SLC1A6: variants seen among roughly 807,000 people sequenced by gnomAD.
SLC1A6 encodes the protein solute carrier family 1 member 6, also known as excitatory amino acid transporter 4.
In SLC1A6, 15 loss-of-function variants were observed where a neutral mutation model predicts 42.1. That is an observed-to-expected ratio of 0.36 (90% confidence interval 0.24 to 0.55). The LOEUF is 0.55. SLC1A6 is among the 20% of genes least tolerant of loss of function. The pLI, the probability that SLC1A6 is intolerant of heterozygous loss-of-function variation, is 0.88. For missense variants in SLC1A6, 542 were observed against 772.5 expected (o/e 0.70, Z 3.54); for synonymous variants, 317 against 319.7 (o/e 0.99, Z 0.09).
At chr19:14,992,108 G>A (rs1019971120) in intron 1 of SLC1A6, among the ~76,000 whole-genome samples, 1 of 152,226 alleles carries the variant, frequency 6.6e-6, no homozygotes, top group African/African-American at 2.4e-5. Context: ...TTACAGGCGT[G>A]AGCCAACGCG....
intron 1 of SLC1A6, among the ~76,000 whole-genome samples, chr19:14,985,193 A>T (rs1446102156): frequency 6.6e-6 from 1 of 152,176 alleles, no homozygotes; most frequent in Admixed American, 6.5e-5. Context: ...ATTGACAATA[A>T]TGACTGTGAA....
Position 14,962,338 on chromosome 19 carries a change from G to A in SLC1A6, c.599C>T (p.Thr200Met), listed in dbSNP as rs1430616951. The A allele has an allele frequency of 4.3e-6, 7 of 1,610,794 alleles. No homozygotes were observed. Among genetic ancestry groups the A allele is most frequent in the Non-Finnish European group, 5.1e-6 (6 of 1,177,444 alleles). ...LVEACFKQFK[T>M]QYSTRVVTRT... Reference sequence around the variant, plus strand: ...GGTTACCACCCTCGTGCTGTACTGCGTCTTGAACTGAAATAGAGAGAGATT... The same window carrying A: ...GGTTACCACCCTCGTGCTGTACTGCATCTTGAACTGAAATAGAGAGAGATT... The change falls in exon 6 of 10, where the codon ACG becomes ATG. Residue 200 changes from threonine to methionine, a missense_variant. Transcript: ENST00000594383.
chr19:14,952,887 C>T, intron 9 of SLC1A6, 41 bp downstream of exon 9: 2 of 1,600,428 alleles, frequency 1.2e-6, no homozygotes, highest in African/African-American at 1.3e-5. Context: ...GCAGTGTGTG[C>T]AGAAGCAGGA....
chr19:14,987,125 G>T (rs1053846342), intron 1 of SLC1A6, among the ~76,000 whole-genome samples: 2 of 152,070 alleles, frequency 1.3e-5, no homozygotes, highest in African/African-American at 2.4e-5. Flanking sequence ...GGATTTGCAG[G>T]CTACACTTTG....
intron 3 of SLC1A6, among the ~76,000 whole-genome samples, chr19:14,970,404 A>AC (rs2045624311): frequency 6.6e-6 from 1 of 152,092 alleles, no homozygotes; most frequent in Non-Finnish European, 1.5e-5. Context: ...TCTCTAGCTT[A>AC]CTGTACTTTA....
intron 1 of SLC1A6, among the ~76,000 whole-genome samples, chr19:15,002,987 A>G (rs55954888): frequency 5.3e-4 from 45 of 85,056 alleles, no homozygotes; most frequent in African/African-American, 1.5e-3. Flanking sequence ...TGTTGTTGTT[A>G]TTTTGTTTTT....
At chr19:15,005,528 A>T (rs2045892320) in intron 1 of SLC1A6, among the ~76,000 whole-genome samples, 1 of 152,072 alleles carries the variant, frequency 6.6e-6, no homozygotes, top group Admixed American at 6.6e-5. Flanking sequence ...AAAAAAACAA[A>T]AAAACCAGAT....
At chr19:14,991,691 C>CA (rs375454304) in intron 1 of SLC1A6, among the ~76,000 whole-genome samples, 3 of 150,196 alleles carry the variant, frequency 2.0e-5, no homozygotes, top group Non-Finnish European at 3.0e-5. Context: ...AAAGGAGTAC[C>CA]AAAAAAACCT....
chr19:15,006,055 C>T (rs921588741), intron 1 of SLC1A6, among the ~76,000 whole-genome samples: 13 of 152,228 alleles, frequency 8.5e-5, no homozygotes, highest in African/African-American at 3.1e-4. Context: ...CTTTGTGAAA[C>T]CCTCTCTGGA....
chr19:14,982,623 TACTA>T (rs544001813), upstream of SLC1A6, among the ~76,000 whole-genome samples: 1 of 152,336 alleles, frequency 6.6e-6, no homozygotes, highest in South Asian at 2.1e-4. Context: ...AAATGTGCCA[TACTA>T]ATGAAATATA....
At chr19:14,955,106 C>T (rs1245181165) in intron 7 of SLC1A6, among the ~76,000 whole-genome samples, 4 of 152,018 alleles carry the variant, frequency 2.6e-5, no homozygotes, top group Admixed American at 2.6e-4. Flanking sequence ...GTCCACAAGG[C>T]GTGTGTTCTG....
chr19:14,957,501 C>T (rs1004289285), intron 6 of SLC1A6, among the ~76,000 whole-genome samples: 2 of 152,166 alleles, frequency 1.3e-5, no homozygotes, highest in South Asian at 2.1e-4. Context: ...TTCTGTCATT[C>T]GAAGACACAG....
rs189139816 is a variant in SLC1A6, at chr19:15,008,983, T to G, written c.6+1502A>C. 8.7e-4 allele frequency among the ~76,000 whole-genome samples: 131 copies of G among 151,094 alleles called. 4 individuals are homozygous for G. The East Asian group carries it at 0.023, about 26-fold the overall frequency. ...TGCACTTCAGCCTGGGAAATTGGAG[T>G]GAGATCTTGTCTCAAATATATAAAC... On this transcript the variant is annotated intron_variant, in intron 1 of 8. Coordinates refer to the SLC1A6 transcript ENST00000430939.
rs576584845 is a variant in SLC1A6, at chr19:14,996,359, G to A, written c.6+14126C>T. Among the ~76,000 whole-genome samples the A allele has an allele frequency of 1.1e-4, 16 of 152,264 alleles. No homozygotes were observed. The South Asian group carries it at 1.2e-3, about 12-fold the overall frequency. ...GCACTGAGTTTCATCTGGGGAAGAC[G>A]GATGAAGGTAATGGTTGCACAACAA... is the stretch of plus-strand genomic sequence containing the variant. On this transcript the variant is annotated intron_variant, in intron 1 of 8. Transcript: ENST00000430939.
chr19:14,968,986 C>T (rs988358450), intron 3 of SLC1A6, among the ~76,000 whole-genome samples: 2 of 152,006 alleles, frequency 1.3e-5, no homozygotes, highest in African/African-American at 4.8e-5. Flanking sequence ...ATTACAGGCA[C>T]CTGCCACCAT....
intron 9 of SLC1A6, among the ~76,000 whole-genome samples, chr19:14,951,188 G>A (rs762861322): frequency 7.0e-6 from 1 of 143,140 alleles, no homozygotes; most frequent in Non-Finnish European, 1.5e-5. Context: ...GGAGGCAGAG[G>A]TTGCAGTGAG....
chr19:14,970,178 T>C (rs1352009966), intron 3 of SLC1A6, among the ~76,000 whole-genome samples: 1 of 152,294 alleles, frequency 6.6e-6, no homozygotes, highest in East Asian at 1.9e-4. Flanking sequence ...CAAGTGATCC[T>C]CCTGCTTCAG....
At chr19:14,991,813 A>G (rs1226618694) in intron 1 of SLC1A6, among the ~76,000 whole-genome samples, 1 of 151,128 alleles carries the variant, frequency 6.6e-6, no homozygotes, top group Non-Finnish European at 1.5e-5. Flanking sequence ...ACAGGACCAA[A>G]GTTCCTACTT....
In SLC1A6 at chr19:14,950,402, G is replaced by A. The variant is rs771510750; in HGVS notation, c.1500-12C>T. On this transcript the variant is annotated splice_polypyrimidine_tract_variant and intron_variant, in intron 9 of 9. Transcript: ENST00000594383. Reference sequence around the variant, plus strand: ...TGCGAAGCCGGTCACTGGTACAGGGGAGAAAGAAGCTGCCATTAATGGGGG... The same window carrying A: ...TGCGAAGCCGGTCACTGGTACAGGGAAGAAAGAAGCTGCCATTAATGGGGG... 7.2e-6 allele frequency: 11 copies of A among 1,530,676 alleles called. No homozygotes were observed. Among genetic ancestry groups the A allele is most frequent in the Non-Finnish European group, 8.8e-6 (10 of 1,131,728 alleles). 94.8% of individuals were successfully genotyped at this position (1,530,676 alleles called of 1,614,324 possible). A position where few individuals can be genotyped will look rare whatever the true frequency, so the allele number is the denominator to read the frequency against.
Sources: gnomAD v4.1 joint callset for allele counts (sites outside exome capture counted in the v4.1 genomes callset) on GRCh38, gnomAD v4.1.1 for gene constraint, MANE v1.5 for transcripts, NCBI Gene and HGNC (gene_info 2026-07-23, HGNC 2026-07-21) for gene names.